Variants in GFOD1 observed in about 807,000 individuals in gnomAD.
GFOD1 encodes the protein glucose-fructose oxidoreductase domain-containing protein 1.
Under a neutral mutation model 25.4 loss-of-function variants are expected in GFOD1, and 9 were observed. The observed-to-expected ratio is 0.35, with a 90% CI of 0.21 to 0.62. The LOEUF (loss-of-function observed/expected upper bound fraction) is 0.62. Ranked by LOEUF, GFOD1 falls within the 20% of genes least tolerant of loss-of-function variation. The probability of loss-of-function intolerance (pLI) is 0.72; values close to 1 mark genes in which losing one functional copy is unlikely to be tolerated. For missense variants in GFOD1, 403 were observed against 556.9 expected (o/e 0.72, Z 2.78); for synonymous variants, 253 against 245.6 (o/e 1.03, Z -0.28).
At chr6:13,374,251 T>C (rs987520944) in intron 1 of GFOD1, among the ~76,000 whole-genome samples, 1 of 136,920 alleles carries the variant, frequency 7.3e-6, no homozygotes, top group Non-Finnish European at 1.6e-5. Context: ...CAGCCTAGTC[T>C]TTTTAAAAAT....
chr6:13,483,986 G>A (rs1162456071), intron 1 of GFOD1, among the ~76,000 whole-genome samples: 3 of 152,216 alleles, frequency 2.0e-5, no homozygotes, highest in Non-Finnish European at 4.4e-5. Context: ...GGCAGCCTTG[G>A]ACAGTGTAGA....
intron 1 of GFOD1, among the ~76,000 whole-genome samples, chr6:13,441,473 T>C (rs1757915224): frequency 6.6e-6 from 1 of 152,228 alleles, no homozygotes; most frequent in Non-Finnish European, 1.5e-5. Context: ...TCTGTCCGAT[T>C]TCATACGTTG....
chr6:13,446,464 G>A (rs1472757994), intron 1 of GFOD1, among the ~76,000 whole-genome samples: 1 of 152,106 alleles, frequency 6.6e-6, no homozygotes, highest in Non-Finnish European at 1.5e-5. Flanking sequence ...GTGTGGGGAG[G>A]ATCCACATCC....
At chr6:13,391,438 C>T (rs987189799) in intron 1 of GFOD1, among the ~76,000 whole-genome samples, 1 of 143,000 alleles carries the variant, frequency 7.0e-6, no homozygotes, top group Non-Finnish European at 1.5e-5. Context: ...GTGAAGGTTG[C>T]AGTGAGCTGA....
At chr6:13,425,807 A>G (rs1445287187) in intron 1 of GFOD1, among the ~76,000 whole-genome samples, 3 of 151,984 alleles carry the variant, frequency 2.0e-5, no homozygotes, top group African/African-American at 7.3e-5. Flanking sequence ...CCTGGGCCAC[A>G]TTGGAAGAAG....
chr6:13,445,952 T>G (rs936935555), intron 1 of GFOD1, among the ~76,000 whole-genome samples: 2 of 152,160 alleles, frequency 1.3e-5, no homozygotes, highest in African/African-American at 4.8e-5. Flanking sequence ...GTGTCAACCT[T>G]GATCAGAAGG....
At chr6:13,407,892 C>A in intron 1 of GFOD1, 1 of 822,018 alleles carries the variant, frequency 1.2e-6, no homozygotes, top group East Asian at 1.4e-4. Flanking sequence ...TCTCAACCAC[C>A]CTCCTCCCTG....
At chr6:13,477,462 C>T (rs1758653298) in intron 1 of GFOD1, among the ~76,000 whole-genome samples, 1 of 151,856 alleles carries the variant, frequency 6.6e-6, no homozygotes, top group African/African-American at 2.4e-5. Context: ...GCTCCTAAGA[C>T]AATACTTGAG....
chr6:13,474,890 C>T (rs144523967), intron 1 of GFOD1, among the ~76,000 whole-genome samples: 4 of 152,294 alleles, frequency 2.6e-5, no homozygotes, highest in Admixed American at 1.3e-4. Flanking sequence ...GGTAGTCTTT[C>T]TCTTCTACTC....
intron 1 of GFOD1, among the ~76,000 whole-genome samples, chr6:13,394,057 G>A (rs1173088723): frequency 5.3e-5 from 8 of 152,026 alleles, no homozygotes; most frequent in Non-Finnish European, 8.8e-5. Flanking sequence ...GATTACAGGC[G>A]TGAGCCACTG....
intron 1 of GFOD1, among the ~76,000 whole-genome samples, chr6:13,480,912 C>A (rs569421083): frequency 1.3e-5 from 2 of 152,174 alleles, no homozygotes; most frequent in East Asian, 3.9e-4. Context: ...TCTTTAGAAC[C>A]TTTTGCCTTC....
intron 1 of GFOD1, among the ~76,000 whole-genome samples, chr6:13,459,856 AGGCATGGTGGCTCACAC>A (rs1169668488): frequency 6.6e-6 from 1 of 152,200 alleles, no homozygotes; most frequent in African/African-American, 2.4e-5. Context: ...GGCTCATTAC[AGGCATGGTGGCTCACAC>A]CTGTAATCCC....
In GFOD1 at chr6:13,359,945, C is replaced by CAA. The variant is rs3037754; in HGVS notation, c.*4796_*4797dup. The CAA allele has an allele frequency of 0.19, 17,558 of 90,398 alleles. 3,125 individuals are homozygous for CAA. Among genetic ancestry groups the CAA allele is most frequent in the African/African-American group, 0.48 (14,578 of 30,270 alleles). 5.6% of individuals were successfully genotyped at this position (90,398 alleles called of 1,614,324 possible). On this transcript the variant is annotated 3_prime_UTR_variant, in exon 2 of 2. Coordinates refer to ENST00000379287, the MANE Select transcript of GFOD1 (RefSeq NM_018988.4). ...TGGGTGACAGAGTAAGACTCTGTCT[C>CAA]AAAAAAAAAAAAAAAAGGATTTCCA...
At chr6:13,435,729 T>TG (rs541636630) in intron 1 of GFOD1, among the ~76,000 whole-genome samples, 26 of 152,334 alleles carry the variant, frequency 1.7e-4, no homozygotes, top group African/African-American at 6.0e-4. Context: ...GCACAAAGTG[T>TG]GGGCCCTAAG....
intron 1 of GFOD1, among the ~76,000 whole-genome samples, chr6:13,424,992 C>T (rs6910199): frequency 0.92 from 135,317 of 146,738 alleles, 62,531 homozygotes; most frequent in East Asian, 0.97. Context: ...AGGGTCTCAT[C>T]CTGTAGCCCA....
chr6:13,380,349 G>T (rs1363896295), intron 1 of GFOD1, among the ~76,000 whole-genome samples: 1 of 152,210 alleles, frequency 6.6e-6, no homozygotes, highest in Non-Finnish European at 1.5e-5. Context: ...CAAGAAGAAA[G>T]TTATTACTGA....
intron 1 of GFOD1, among the ~76,000 whole-genome samples, chr6:13,393,070 A>C (rs1026384975): frequency 6.6e-6 from 1 of 151,360 alleles, no homozygotes; most frequent in African/African-American, 2.4e-5. Context: ...GAAAGAAGAA[A>C]AAGGGCTGGG....
At position 13,486,247 on chromosome 6, in the gene GFOD1, T is replaced by TCCCCCCCCCCCCCCCCCCCCC. The variant is rs373896526; in HGVS notation, c.253+390_253+391insGGGGGGGGGGGGGGGGGGGGG. ...CGCACAACCCTCCTCCACCCCCCCA[T>TCCCCCCCCCCCCCCCCCCCCC]CCCCCCCCCCCACACACACACACTT... is the stretch of plus-strand genomic sequence containing the variant. On this transcript the variant is annotated intron_variant, in intron 1 of 1. Transcript: ENST00000379287. 3.4e-5 allele frequency: 4 copies of TCCCCCCCCCCCCCCCCCCCCC among 116,320 alleles called. 1 individual carries two copies. Among genetic ancestry groups the TCCCCCCCCCCCCCCCCCCCCC allele is most frequent in the African/African-American group, 9.2e-5 (1 of 10,838 alleles). 7.2% of individuals were successfully genotyped at this position (116,320 alleles called of 1,614,324 possible).
intron 1 of GFOD1, among the ~76,000 whole-genome samples, chr6:13,428,571 G>A (rs16874155): frequency 0.069 from 10,461 of 152,214 alleles, 511 homozygotes; most frequent in South Asian, 0.14. Flanking sequence ...AAAGGCCGCT[G>A]CAAGAACAAC....
Sources: allele counts gnomAD v4.1 joint callset (sites outside exome capture counted in the v4.1 genomes callset), GRCh38; gene constraint gnomAD v4.1.1; transcripts MANE v1.5; gene names NCBI Gene and HGNC (gene_info 2026-07-23, HGNC 2026-07-21).